DKK3: variants seen among roughly 807,000 people sequenced by gnomAD.
The protein encoded by DKK3 is dickkopf Wnt signaling pathway inhibitor 3.
Under a neutral mutation model 33.2 loss-of-function variants are expected in DKK3, and 22 were observed. That is an observed-to-expected ratio of 0.66 (90% CI 0.47 to 0.95). The LOEUF is 0.95. Among genes scored for constraint, DKK3 ranks in the 40% least tolerant of loss-of-function variants. The pLI is 0.00. For missense variants in DKK3, 398 were observed against 458.4 expected (o/e 0.87, Z 1.20); for synonymous variants, 194 against 188.8 (o/e 1.03, Z -0.23).
chr11:12,008,763 T>C, upstream of DKK3: 1 of 1,182,196 alleles, frequency 8.5e-7, no homozygotes, highest in Non-Finnish European at 1.0e-6. The surrounding 1 kb of genome is among the most constrained non-coding windows in gnomAD (Gnocchi z 4.6). Context: ...AAAACGCAGC[T>C]CCCCTACACC....
chr11:11,991,695 G>A (rs556043907), intron 3 of DKK3, among the ~76,000 whole-genome samples: 15 of 152,214 alleles, frequency 9.9e-5, no homozygotes, highest in African/African-American at 1.4e-4. Context: ...TTCCGAAGCC[G>A]TCACCAGGTG....
chr11:11,987,325 G>A (rs1363406798), intron 3 of DKK3, among the ~76,000 whole-genome samples: 1 of 152,092 alleles, frequency 6.6e-6, no homozygotes, highest in Non-Finnish European at 1.5e-5. Context: ...TCCTGAAAAA[G>A]GAAATTCCAT....
At chr11:11,974,582 C>T (rs1847793581) in intron 3 of DKK3, among the ~76,000 whole-genome samples, 1 of 152,140 alleles carries the variant, frequency 6.6e-6, no homozygotes, top group African/African-American at 2.4e-5. Flanking sequence ...TGGCATTAAT[C>T]CATTTATGAC....
chr11:12,008,509 G>C lies in DKK3; in HGVS notation c.74C>G (p.Pro25Arg), dbSNP rs1299443930. ...AAVPTAPAPA[P>R]TATSAPVKPG... ...CTTGACTGGAGCCGAGGTCGCCGTC[G>C]GAGCGGGCGCGGGGGCCGTGGGGAC... Residue 25 changes from proline to arginine, a missense_variant, in exon 1 of 7, where the codon CCG (proline) becomes CGG (arginine). By Grantham distance (103) the Pro-to-Arg change is moderately radical (BLOSUM62 -2). Transcript: ENST00000683431. This position sits in a 1 kb window ranked among gnomAD's most constrained non-coding sequence, Gnocchi z 4.6. 1.1e-5 allele frequency: 17 copies of C among 1,588,034 alleles called. No individual in the cohort carries two copies. The highest frequency in any genetic ancestry group is 2.2e-5 in the South Asian group (2 of 89,154).
chr11:12,009,427 G>T, upstream of DKK3: 3 of 918,266 alleles, frequency 3.3e-6, no homozygotes, highest in South Asian at 1.5e-4. Flanking sequence ...AGGGGCCGCA[G>T]CCCGGCCATT....
intron 3 of DKK3, among the ~76,000 whole-genome samples, chr11:11,975,562 C>G (rs2135018716): frequency 6.6e-6 from 1 of 152,270 alleles, no homozygotes; most frequent in East Asian, 1.9e-4. Context: ...TGGGGCTGTT[C>G]CCAGAACCCA....
chr11:12,009,619 G>A (rs1053793387), upstream of DKK3: 26 of 985,704 alleles, frequency 2.6e-5, no homozygotes, highest in African/African-American at 1.0e-4. Context: ...GGGGTAGGGG[G>A]AATGTTCCTC....
intron 3 of DKK3, among the ~76,000 whole-genome samples, chr11:11,996,788 G>A (rs755114475): frequency 2.6e-5 from 4 of 152,164 alleles, no homozygotes; most frequent in South Asian, 2.1e-4. Flanking sequence ...ATGGGGGTTC[G>A]GATTCTGCCC....
At chr11:12,008,658 G>A (rs1564929697), upstream of DKK3, 1 of 1,263,852 alleles carries the variant, frequency 7.9e-7, no homozygotes, top group Non-Finnish European at 9.9e-7. This position sits in a 1 kb window ranked among gnomAD's most constrained non-coding sequence, Gnocchi z 4.6. Context: ...CCCCCTCGCT[G>A]GGCCCGCCGC....
intron 4 of DKK3, 106 bp from the exon 5 acceptor site, chr11:11,967,204 T>C (rs984749842): frequency 1.5e-6 from 2 of 1,369,508 alleles, no homozygotes; most frequent in African/African-American, 1.4e-5. Flanking sequence ...ATCCTCCCAT[T>C]GTAGAGACAG....
At chr11:11,971,047 T>G (rs1173205281) in intron 3 of DKK3, among the ~76,000 whole-genome samples, 2 of 150,132 alleles carry the variant, frequency 1.3e-5, no homozygotes, top group Admixed American at 6.6e-5. Context: ...TTTTTTTTTT[T>G]GCAGGCAATC....
chr11:12,003,517 C>T (rs1468707425), intron 1 of DKK3, among the ~76,000 whole-genome samples: 1 of 152,180 alleles, frequency 6.6e-6, no homozygotes, highest in Non-Finnish European at 1.5e-5. Context: ...CACCCAACTT[C>T]CCCTTCCAGA....
chr11:12,000,466 C>G (rs1848401422), intron 2 of DKK3, among the ~76,000 whole-genome samples: 1 of 151,286 alleles, frequency 6.6e-6, no homozygotes, highest in Non-Finnish European at 1.5e-5. Context: ...CTTGGCCTCC[C>G]AAAGTGCTGG....
intron 2 of DKK3, 94 bp downstream of exon 2, chr11:12,002,206 G>A: frequency 7.4e-7 from 1 of 1,357,256 alleles, no homozygotes. Context: ...GTTTGGGCTT[G>A]TATATCACAT....
chr11:11,965,942 G>T lies in DKK3; in HGVS notation c.697C>A (p.Pro233Thr). 1 of 1,613,328 alleles carries T rather than the reference G, an allele frequency of 6.2e-7. No individual in the cohort carries two copies. The highest frequency in any genetic ancestry group is 8.5e-7 in the Non-Finnish European group (1 of 1,179,934). Residue 233 changes from proline to threonine, a missense_variant, in exon 6 of 7, where the codon CCC becomes ACC. Transcript: ENST00000683431. ...QRGLLFPVCTPLPVEGELCHD... is the reference protein window; with the variant it reads ...QRGLLFPVCTTLPVEGELCHD... ...CAAAGCTCGCCCTCCACGGGCAGGG[G>T]TGTGCACACAGGGAACAGCAGGCCT...
upstream of DKK3, chr11:12,009,305 G>A: frequency 1.0e-6 from 1 of 983,146 alleles, no homozygotes; most frequent in South Asian, 4.7e-5. Context: ...GCGGGGTGCG[G>A]CAGCGCCGGT....
At chr11:11,968,124 C>A (rs968652940) in intron 4 of DKK3, among the ~76,000 whole-genome samples, 2 of 152,102 alleles carry the variant, frequency 1.3e-5, no homozygotes, top group African/African-American at 4.8e-5. Flanking sequence ...CCGTCCCTCC[C>A]CTTCTCTACC....
At chr11:12,003,927 C>T (rs1848483397) in intron 1 of DKK3, among the ~76,000 whole-genome samples, 2 of 152,232 alleles carry the variant, frequency 1.3e-5, no homozygotes, top group Admixed American at 6.5e-5. Context: ...GTGAATAAAA[C>T]CTGGTAGGCA....
Position 11,996,222 on chromosome 11 carries a change from TA to T in DKK3, c.435+2473del, listed in dbSNP as rs112025587. Among the ~76,000 whole-genome samples the T allele has an allele frequency of 2.1e-3, 319 of 152,278 alleles. 1 individual carries two copies. The highest frequency in any genetic ancestry group is 7.5e-3 in the African/African-American group (310 of 41,558). Reference sequence around the variant, plus strand: ...TTTCAGAGCCAACCGTAAAAATCATTAAATTGCAAAATGATAGAATGAGACA... The same window carrying T: ...TTTCAGAGCCAACCGTAAAAATCATTAATTGCAAAATGATAGAATGAGACA... On this transcript the variant is annotated intron_variant, in intron 3 of 6. Coordinates refer to ENST00000683431, the MANE Select transcript of DKK3 (RefSeq NM_001018057.2).
Sources: allele counts gnomAD v4.1 joint callset (sites outside exome capture counted in the v4.1 genomes callset), GRCh38; gene constraint gnomAD v4.1.1; non-coding constraint Gnocchi (gnomAD v3.1); transcripts MANE v1.5; gene names NCBI Gene and HGNC (gene_info 2026-07-23, HGNC 2026-07-21).